Variants in ANKS1A observed in about 807,000 individuals in gnomAD.
ANKS1A encodes the protein ankyrin repeat and SAM domain-containing protein 1A.
A neutral mutation model predicts 120.3 loss-of-function variants in ANKS1A; 55 were observed. That is an observed-to-expected ratio of 0.46 (90% CI 0.37 to 0.57). The LOEUF (loss-of-function observed/expected upper bound fraction) is 0.57, where lower values mean the gene tolerates loss of function less well. Ranked by LOEUF, ANKS1A falls within the 20% of genes least tolerant of loss-of-function variation. The pLI, the probability that ANKS1A is intolerant of heterozygous loss-of-function variation, is 0.00. For synonymous variants in ANKS1A, 590 were observed against 604.7 expected, an observed-to-expected ratio of 0.98 and a Z score of 0.36; for missense variants, 1,123 against 1,480.3, an observed-to-expected ratio of 0.76 and a Z score of 3.96.
intron 1 of ANKS1A, among the ~76,000 whole-genome samples, chr6:34,940,899 ACT>A (rs1408599501): frequency 2.7e-5 from 4 of 150,546 alleles, no homozygotes; most frequent in South Asian, 2.1e-4. Flanking sequence ...CGAGGATGAA[ACT>A]CTGTGTCAAA....
rs1771106806 is a variant in ANKS1A at position 34,970,147 on chromosome 6, A to G, written c.416A>G (p.His139Arg). 1 of 1,613,716 alleles carries G rather than the reference A, an allele frequency of 6.2e-7. No homozygotes were observed. The highest frequency in any genetic ancestry group is 2.2e-5 in the East Asian group (1 of 44,876). Residue 139 changes from histidine (H) to arginine (R), a missense_variant, in exon 3 of 24, where the codon CAC (histidine) becomes CGC (arginine). His to Arg is a conservative substitution (Grantham distance 29). Around this residue, in one of 3 missense-constraint regions of ANKS1A, gnomAD observed 146 missense variants for 267.8 expected, o/e 0.55. Transcript: ENST00000360359. Reference protein sequence around the residue: ...VRLLIHQGPSHTRVNEQNNDN... With the variant: ...VRLLIHQGPSRTRVNEQNNDN... ...TTGCTCATCCATCAAGGGCCTTCAC[A>G]CACCAGAGTCAATGAACAGGTCGGA...
At chr6:35,063,417 G>A (rs540121702) in intron 13 of ANKS1A, among the ~76,000 whole-genome samples, 12 of 152,396 alleles carry the variant, frequency 7.9e-5, no homozygotes, top group Middle Eastern at 3.4e-3. Context: ...TCAGCCTGAC[G>A]CCCTTCACAG....
rs1778167009 is a variant in ANKS1A at position 35,089,216 on chromosome 6, T to A, written c.*607T>A. On this transcript the variant is annotated 3_prime_UTR_variant, in exon 24 of 24. Transcript: ENST00000360359. ...TCCCTTTCAGGGGCTAGACACAGGC[T>A]TCTCGTAAGAACACAGCCTTAGAGG... 1.0e-6 allele frequency: 1 copy of A among 992,952 alleles called. No homozygotes were observed. Among genetic ancestry groups the A allele is most frequent in the Admixed American group, 5.5e-5 (1 of 18,238 alleles). The allele number at this position is 992,952 out of a possible 1,614,324, so 61.5% of individuals were successfully genotyped here.
intron 1 of ANKS1A, among the ~76,000 whole-genome samples, chr6:34,908,662 T>C (rs890126840): frequency 1.1e-4 from 16 of 152,332 alleles, no homozygotes; most frequent in Admixed American, 7.8e-4. Flanking sequence ...TTATTAAATA[T>C]AGTAGCTTCT....
chr6:35,017,402 G>A (rs1774078273), intron 10 of ANKS1A, 71 bp from the exon 11 acceptor site: 2 of 1,484,664 alleles, frequency 1.3e-6, no homozygotes, highest in South Asian at 2.7e-5. Flanking sequence ...CCATATGCTT[G>A]CTGCATTGGA....
At position 34,982,136 on chromosome 6, in the gene ANKS1A, A is replaced by G. The variant is rs925285407; in HGVS notation, c.732+150A>G. Reference sequence around the variant, plus strand: ...ATTTGCCGACTCATTCTAATGTGACACTAAGAAACAAATGAACTCCTCAAG... The same window carrying G: ...ATTTGCCGACTCATTCTAATGTGACGCTAAGAAACAAATGAACTCCTCAAG... On this transcript the variant is annotated intron_variant, in intron 4 of 23. Coordinates refer to ENST00000360359, the MANE Select transcript of ANKS1A (RefSeq NM_015245.3). This position sits in a 1 kb window ranked among gnomAD's most constrained non-coding sequence, Gnocchi z 4.9. The G allele has an allele frequency of 3.0e-6, 3 of 1,016,900 alleles. No homozygotes were observed. The highest frequency in any genetic ancestry group is 1.6e-5 in the African/African-American group (1 of 61,924). 63.0% of individuals were successfully genotyped at this position (1,016,900 alleles called of 1,614,324 possible). A position where few individuals can be genotyped will look rare whatever the true frequency, so the allele number is the denominator to read the frequency against.
At chr6:34,991,501 G>A (rs909089059) in intron 9 of ANKS1A, among the ~76,000 whole-genome samples, 14 of 146,138 alleles carry the variant, frequency 9.6e-5, no homozygotes, top group African/African-American at 3.6e-4. Flanking sequence ...CTCTGCAGCA[G>A]AAATGTTGCT....
intron 1 of ANKS1A, among the ~76,000 whole-genome samples, chr6:34,897,835 A>G (rs1022140006): frequency 6.6e-6 from 1 of 152,176 alleles, no homozygotes; most frequent in African/African-American, 2.4e-5. Context: ...AGATAGTTGT[A>G]TCTGTTTGTG....
chr6:35,033,948 A>G (rs918581146), intron 11 of ANKS1A, among the ~76,000 whole-genome samples: 2 of 152,090 alleles, frequency 1.3e-5, no homozygotes, highest in African/African-American at 4.8e-5. Context: ...TGGTGTTAAC[A>G]CTCAGGTTCC....
intron 13 of ANKS1A, among the ~76,000 whole-genome samples, chr6:35,070,496 T>A (rs1314336330): frequency 7.0e-6 from 1 of 142,596 alleles, no homozygotes; most frequent in African/African-American, 2.6e-5. Flanking sequence ...TTTTTTTTTT[T>A]TTTTTTTTTT....
chr6:34,894,962 T>C (rs977171834), intron 1 of ANKS1A, among the ~76,000 whole-genome samples: 11 of 152,290 alleles, frequency 7.2e-5, no homozygotes, highest in Admixed American at 1.3e-4. Flanking sequence ...GGCTTTAAAC[T>C]AATTTTTATG....
At chr6:35,009,505 G>A (rs1773629010) in intron 10 of ANKS1A, among the ~76,000 whole-genome samples, 3 of 152,176 alleles carry the variant, frequency 2.0e-5, no homozygotes, top group Non-Finnish European at 4.4e-5. Context: ...GAACATCCAA[G>A]TGAAGATACT....
At chr6:34,991,541 TACACACACACACACACAC>T (rs149416311) in intron 9 of ANKS1A, among the ~76,000 whole-genome samples, 1,425 of 138,480 alleles carry the variant, frequency 0.01, 30 homozygotes, top group Non-Finnish European at 0.016. Flanking sequence ...AAAAAATATA[TACACACACACACACACAC>T]ACACACACAC....
chr6:35,079,764 C>T (rs1244129897), intron 15 of ANKS1A, 57 bp from the exon 16 acceptor site: 18 of 1,607,460 alleles, frequency 1.1e-5, no homozygotes, highest in East Asian at 4.5e-5. Context: ...GGGGCTGGAG[C>T]GGACTGTGAG....
At chr6:34,918,679 G>A (rs1375240745) in intron 1 of ANKS1A, among the ~76,000 whole-genome samples, 1 of 152,080 alleles carries the variant, frequency 6.6e-6, no homozygotes, top group Non-Finnish European at 1.5e-5. Context: ...TACTAAATCT[G>A]TTTCCTGAAT....
At chr6:34,985,019 G>A (rs1561891331) in intron 7 of ANKS1A, 63 bp from the exon 8 acceptor site, 9 of 1,515,772 alleles carry the variant, frequency 5.9e-6, no homozygotes, top group Non-Finnish European at 8.1e-6. Flanking sequence ...GGTTGCTGCA[G>A]TGGTTGGAAC....
chr6:34,965,277 A>G (rs1035457001), intron 1 of ANKS1A, among the ~76,000 whole-genome samples: 2 of 152,180 alleles, frequency 1.3e-5, no homozygotes, highest in Non-Finnish European at 2.9e-5. Flanking sequence ...TGTAACTGGT[A>G]TATGATATTC....
At chr6:34,908,724 A>G (rs1185572242) in intron 1 of ANKS1A, among the ~76,000 whole-genome samples, 3 of 152,120 alleles carry the variant, frequency 2.0e-5, no homozygotes, top group East Asian at 3.8e-4. Context: ...TATTCTGCCT[A>G]CTGCTGGTGC....
At chr6:34,944,044 C>T (rs551337858) in intron 1 of ANKS1A, among the ~76,000 whole-genome samples, 1 of 152,240 alleles carries the variant, frequency 6.6e-6, no homozygotes, top group East Asian at 1.9e-4. Context: ...GAGGCCAAGG[C>T]GGGCAGATCA....
Sources: gnomAD v4.1 joint callset for allele counts (sites outside exome capture counted in the v4.1 genomes callset) on GRCh38, gnomAD v4.1.1 for gene constraint, gnomAD v4.1.1 regional missense constraint, Gnocchi (gnomAD v3.1) non-coding constraint, MANE v1.5 for transcripts, NCBI Gene and HGNC (gene_info 2026-07-23, HGNC 2026-07-21) for gene names.